Variants in FAM222A observed in about 807,000 individuals in gnomAD.
The protein encoded by FAM222A is family with sequence similarity 222 member A, also known as protein FAM222A.
Under a neutral mutation model 25.8 loss-of-function variants are expected in FAM222A, and 7 were observed. The ratio of observed to expected loss-of-function variants is 0.27; its 90% CI spans 0.15 to 0.51. The LOEUF is 0.51. FAM222A is among the 20% of genes least tolerant of loss of function. FAM222A has a pLI of 0.97. For synonymous variants in FAM222A, 294 were observed against 298.8 expected, an observed-to-expected ratio of 0.98 and a Z score of 0.17; for missense variants, 573 against 640.5, an observed-to-expected ratio of 0.89 and a Z score of 1.14.
In FAM222A at chr12:109,766,317, G is replaced by T. The variant is rs1291647446; in HGVS notation, c.83-1695G>T. Among the ~76,000 whole-genome samples the T allele has an allele frequency of 2.0e-5, 3 of 152,252 alleles. No individual in the cohort carries two copies. In the South Asian group the frequency reaches 6.2e-4, roughly 31 times the overall value. ...GGACCAGGGAGGGGCTATGGATGGG[G>T]GCAGGAGTCTGCCCGCCATGGCCCT... is the stretch of plus-strand genomic sequence containing the variant. On this transcript the variant is annotated intron_variant, in intron 2 of 2. Coordinates refer to ENST00000538780, the MANE Select transcript of FAM222A (RefSeq NM_032829.3).
intron 1 of FAM222A, among the ~76,000 whole-genome samples, chr12:109,719,205 T>C (rs138021798): frequency 1.5e-3 from 226 of 152,308 alleles, no homozygotes; most frequent in African/African-American, 5.4e-3. Flanking sequence ...CCTTCCAGAG[T>C]TTACGTCATA....
At chr12:109,765,515 G>A (rs965268696) in intron 2 of FAM222A, among the ~76,000 whole-genome samples, 1 of 152,192 alleles carries the variant, frequency 6.6e-6, no homozygotes, top group Non-Finnish European at 1.5e-5. Flanking sequence ...CCTTTGCCTG[G>A]GCTGTTTACT....
At chr12:109,739,951 A>G (rs1888193651) in intron 1 of FAM222A, among the ~76,000 whole-genome samples, 1 of 152,174 alleles carries the variant, frequency 6.6e-6, no homozygotes, top group African/African-American at 2.4e-5. Flanking sequence ...TAAGAGCCCA[A>G]ATTGCATGTT....
At chr12:109,737,356 C>T (rs909642378) in intron 1 of FAM222A, among the ~76,000 whole-genome samples, 1 of 152,106 alleles carries the variant, frequency 6.6e-6, no homozygotes, top group African/African-American at 2.4e-5. Flanking sequence ...GCCAGCATCT[C>T]TGGCTCTAGT....
intron 2 of FAM222A, among the ~76,000 whole-genome samples, chr12:109,760,916 G>A (rs533423035): frequency 6.6e-6 from 1 of 152,298 alleles, no homozygotes; most frequent in Admixed American, 6.5e-5. Flanking sequence ...GCAAGCAGGA[G>A]CTCAGTGGAG....
chr12:109,725,752 C>T (rs1246863297), intron 1 of FAM222A, among the ~76,000 whole-genome samples: 1 of 151,832 alleles, frequency 6.6e-6, no homozygotes, highest in Non-Finnish European at 1.5e-5. Flanking sequence ...GCTTTGTAAA[C>T]GCTCACAATT....
chr12:109,769,952 C>G lies in FAM222A; in HGVS notation c.*664C>G, dbSNP rs1373967764. 1.3e-5 allele frequency: 2 copies of G among 152,578 alleles called. No individual in the cohort carries two copies. The highest frequency in any genetic ancestry group is 2.4e-5 in the African/African-American group (1 of 41,438). The allele number at this position is 152,578 out of a possible 1,614,324, so 9.5% of individuals were successfully genotyped here. On this transcript the variant is annotated 3_prime_UTR_variant, in exon 3 of 3. Coordinates refer to ENST00000538780, the MANE Select transcript of FAM222A (RefSeq NM_032829.3). ...CCTGGACTACCATATTCCCCCTTCC[C>G]TCCAATACATCTTATAGGGCTGCTG... is the stretch of plus-strand genomic sequence containing the variant.
chr12:109,770,122 G>C lies in FAM222A; in HGVS notation c.*834G>C, dbSNP rs1889202215. 1 of 152,356 alleles carries C rather than the reference G, an allele frequency of 6.6e-6. No homozygotes were observed. Among genetic ancestry groups the C allele is most frequent in the Non-Finnish European group, 1.5e-5 (1 of 68,056 alleles). 9.4% of individuals were successfully genotyped at this position (152,356 alleles called of 1,614,324 possible). ...CTGTTCGCACAAAGGCACCACAGGGGCTAACAGTGGGCCTGCAATCTTAGA... is the reference window on the plus strand; with the variant it reads ...CTGTTCGCACAAAGGCACCACAGGGCCTAACAGTGGGCCTGCAATCTTAGA... On this transcript the variant is annotated 3_prime_UTR_variant, in exon 3 of 3. Transcript: ENST00000538780.
At chr12:109,737,771 T>C (rs1171177769) in intron 1 of FAM222A, among the ~76,000 whole-genome samples, 1 of 152,088 alleles carries the variant, frequency 6.6e-6, no homozygotes, top group Non-Finnish European at 1.5e-5. Context: ...AAAATTACCC[T>C]CGCCTCCTCC....
intron 2 of FAM222A, among the ~76,000 whole-genome samples, chr12:109,750,725 G>A (rs1341411256): frequency 6.6e-6 from 1 of 151,538 alleles, no homozygotes; most frequent in African/African-American, 2.4e-5. Flanking sequence ...TACTCCTGGA[G>A]TTTCTGCACA....
intron 1 of FAM222A, among the ~76,000 whole-genome samples, chr12:109,742,359 G>A (rs947015074): frequency 1.3e-5 from 2 of 152,232 alleles, no homozygotes; most frequent in Admixed American, 6.5e-5. Context: ...CCAAGTCCCC[G>A]AGGAGAGGAG....
chr12:109,723,319 T>C (rs917190166), intron 1 of FAM222A, among the ~76,000 whole-genome samples: 1 of 152,210 alleles, frequency 6.6e-6, no homozygotes, highest in Non-Finnish European at 1.5e-5. Flanking sequence ...GCCAGGCCAG[T>C]TTCCCTGGGG....
intron 2 of FAM222A, 90 bp downstream of exon 2, chr12:109,744,318 G>A (rs746145265): frequency 1.3e-4 from 194 of 1,492,398 alleles, no homozygotes; most frequent in Non-Finnish European, 1.7e-4. Flanking sequence ...CCATGGCCCT[G>A]TCGGAAAGTC....
intron 1 of FAM222A, among the ~76,000 whole-genome samples, chr12:109,727,748 T>C (rs1887869944): frequency 2.6e-5 from 4 of 152,052 alleles, no homozygotes; most frequent in African/African-American, 9.7e-5. Context: ...GGTTTGCAGC[T>C]TAAGGTGCTC....
chr12:109,768,882 G>A lies in FAM222A; in HGVS notation c.953G>A (p.Gly318Asp), dbSNP rs1361399784. 3.8e-6 allele frequency: 6 copies of A among 1,582,636 alleles called. No homozygotes were observed. Among genetic ancestry groups the A allele is most frequent in the Non-Finnish European group, 5.1e-6 (6 of 1,171,748 alleles). The change falls in exon 3 of 3, where the codon GGC becomes GAC. Residue 318 changes from glycine to aspartate, a missense_variant. Physicochemically the swap from Gly to Asp is moderately conservative, Grantham distance 94 (BLOSUM62 -1). This residue lies in a region of FAM222A where 412 missense variants were observed against 407.0 expected (regional missense o/e 1.01). Coordinates refer to ENST00000538780, the MANE Select transcript of FAM222A (RefSeq NM_032829.3). ...VASKSPEACG[G>D]RAYERASGSP... Reference sequence around the variant, plus strand: ...AGCAAGTCCCCTGAGGCTTGCGGGGGCCGGGCATACGAGCGGGCCAGCGGG... The same window carrying A: ...AGCAAGTCCCCTGAGGCTTGCGGGGACCGGGCATACGAGCGGGCCAGCGGG...
chr12:109,731,348 C>A (rs114420205), intron 1 of FAM222A, among the ~76,000 whole-genome samples: 2,425 of 152,102 alleles, frequency 0.016, 59 homozygotes, highest in African/African-American at 0.056. Context: ...CATTGGGTGC[C>A]CACTCAGAAT....
intron 1 of FAM222A, among the ~76,000 whole-genome samples, chr12:109,740,052 C>G (rs570515284): frequency 1.3e-5 from 2 of 152,354 alleles, no homozygotes; most frequent in South Asian, 4.1e-4. Flanking sequence ...AAAAGGCAAG[C>G]AGGGCCCAAG....
intron 2 of FAM222A, among the ~76,000 whole-genome samples, chr12:109,745,456 A>T (rs1373190055): frequency 6.6e-6 from 1 of 152,144 alleles, no homozygotes; most frequent in African/African-American, 2.4e-5. Flanking sequence ...TGCAGGGTAC[A>T]TTTCTGGAAG....
At chr12:109,745,706 A>G (rs1888380743) in intron 2 of FAM222A, among the ~76,000 whole-genome samples, 1 of 152,128 alleles carries the variant, frequency 6.6e-6, no homozygotes, top group South Asian at 2.1e-4. Flanking sequence ...AGGTCTAGCT[A>G]TGTTGCCCAG....
Sources: gnomAD v4.1 joint callset for allele counts (sites outside exome capture counted in the v4.1 genomes callset) on GRCh38, gnomAD v4.1.1 for gene constraint, gnomAD v4.1.1 regional missense constraint, MANE v1.5 for transcripts, NCBI Gene and HGNC (gene_info 2026-07-23, HGNC 2026-07-21) for gene names.